The following SLC30A9 variants were observed in gnomAD, a reference collection of about 807,000 sequenced individuals.
SLC30A9 encodes solute carrier family 30 member 9.
SLC30A9 carries 58 observed loss-of-function variants against 87.5 expected under a neutral mutation model. The observed-to-expected ratio is 0.66, with a 90% CI of 0.54 to 0.82. The LOEUF (loss-of-function observed/expected upper bound fraction) is 0.82. Among genes scored for constraint, SLC30A9 ranks in the 40% least tolerant of loss-of-function variants. The probability of loss-of-function intolerance (pLI) is 0.00; values close to 1 mark genes in which losing one functional copy is unlikely to be tolerated. For missense variants in SLC30A9, 557 were observed against 679.1 expected, an observed-to-expected ratio of 0.82 and a Z score of 2.00; for synonymous variants, 234 against 233.0, an observed-to-expected ratio of 1.00 and a Z score of -0.04.
At chr4:42,017,511 T>G (rs964262592) in intron 2 of SLC30A9, among the ~76,000 whole-genome samples, 2 of 152,122 alleles carry the variant, frequency 1.3e-5, no homozygotes, top group Admixed American at 6.5e-5. Context: ...TTCTGTATTA[T>G]CTACTATAAG....
At chr4:42,025,877 T>C (rs1716171615) in intron 6 of SLC30A9, among the ~76,000 whole-genome samples, 1 of 152,066 alleles carries the variant, frequency 6.6e-6, no homozygotes, top group Non-Finnish European at 1.5e-5. Context: ...GTGGTCTCGA[T>C]CTCCTGACCT....
chr4:42,070,431 C>T (rs556408778), intron 14 of SLC30A9, 95 bp from the exon 15 acceptor site: 2 of 907,396 alleles, frequency 2.2e-6, no homozygotes, highest in Non-Finnish European at 3.3e-6. Context: ...ATTTCAAGTG[C>T]CTTGATTTAC....
intron 9 of SLC30A9, among the ~76,000 whole-genome samples, chr4:42,055,560 G>A (rs530818098): frequency 1.2e-4 from 18 of 152,148 alleles, no homozygotes; most frequent in Middle Eastern, 3.4e-3. Flanking sequence ...CTAGTTTTTT[G>A]TATTTGCAGT....
chr4:42,047,328 C>G (rs1210469659), intron 8 of SLC30A9, among the ~76,000 whole-genome samples: 1 of 152,094 alleles, frequency 6.6e-6, no homozygotes, highest in Non-Finnish European at 1.5e-5. Flanking sequence ...TGCAATCTAT[C>G]CATCTGACAA....
In SLC30A9 at chr4:42,018,519, G is replaced by A. The variant is rs540854278; in HGVS notation, c.334+349G>A. 19 of 856,910 alleles carry A rather than the reference G, an allele frequency of 2.2e-5. No homozygotes were observed. In the East Asian group the frequency reaches 3.7e-4, roughly 17 times the overall value. 53.1% of individuals were successfully genotyped at this position (856,910 alleles called of 1,614,324 possible). On this transcript the variant is annotated intron_variant, in intron 3 of 17. Transcript: ENST00000264451. ...ATTCAAATCCAGGTAGAGTTTGGCC[G>A]TTATTGTCTGACTTTATTTTCTAGG...
Position 41,990,663 on chromosome 4 carries a change from C to T in SLC30A9, c.12C>T (p.Gly4=). MLP[G]LAAAAAHRCS... ...TCTGCCCCACCAGGATGTTACCCGG[C>T]TTGGCCGCCGCCGCGGCCCACAGAT... The change falls in exon 1 of 18, where the codon GGC becomes GGT. Residue 4 remains glycine, a synonymous_variant. Coordinates refer to ENST00000264451, the MANE Select transcript of SLC30A9 (RefSeq NM_006345.4). 5.0e-6 allele frequency: 8 copies of T among 1,606,630 alleles called. No homozygotes were observed. Among genetic ancestry groups the T allele is most frequent in the Non-Finnish European group, 6.8e-6 (8 of 1,175,452 alleles).
chr4:41,996,002 G>C (rs953235782), intron 1 of SLC30A9, among the ~76,000 whole-genome samples: 1 of 151,364 alleles, frequency 6.6e-6, no homozygotes, highest in South Asian at 2.1e-4. Context: ...GAGCCACTGC[G>C]CCTGGCCCAG....
rs912159812 is a variant in SLC30A9 at position 42,058,117 on chromosome 4, A to C, written c.841-2074A>C. On this transcript the variant is annotated intron_variant, in intron 9 of 17. Coordinates refer to ENST00000264451, the MANE Select transcript of SLC30A9 (RefSeq NM_006345.4). ...CTTTGTCTCAAAAAAAAAAAAAAAA[A>C]AAAACTGAATTCCTTTAATAGCACC... Among the ~76,000 whole-genome samples, 8 of 152,056 alleles carry C rather than the reference A, an allele frequency of 5.3e-5. No homozygotes were observed. The East Asian group carries it at 1.2e-3, about 22-fold the overall frequency.
At chr4:42,045,731 C>T (rs977573207) in intron 8 of SLC30A9, among the ~76,000 whole-genome samples, 1 of 152,142 alleles carries the variant, frequency 6.6e-6, no homozygotes, top group Non-Finnish European at 1.5e-5. Flanking sequence ...ATGAGGCCAG[C>T]ATCATCCTGA....
intron 4 of SLC30A9, among the ~76,000 whole-genome samples, chr4:42,021,138 T>C (rs919107942): frequency 2.6e-5 from 4 of 152,196 alleles, no homozygotes; most frequent in Non-Finnish European, 5.9e-5. Context: ...TATCAAGAAA[T>C]AGGTATTCCT....
intron 7 of SLC30A9, among the ~76,000 whole-genome samples, chr4:42,037,938 T>C (rs1460613536): frequency 6.6e-6 from 1 of 151,554 alleles, no homozygotes; most frequent in Non-Finnish European, 1.5e-5. Context: ...AGCCGGCTGA[T>C]TTTTTTGTAT....
At chr4:42,063,190 T>G in intron 11 of SLC30A9, 69 bp downstream of exon 11, 1 of 1,408,864 alleles carries the variant, frequency 7.1e-7, no homozygotes, top group Non-Finnish European at 9.9e-7. Context: ...TAGAAGGCCT[T>G]TGTCATATTG....
At chr4:42,021,171 A>G (rs189279555) in intron 4 of SLC30A9, among the ~76,000 whole-genome samples, 3 of 152,284 alleles carry the variant, frequency 2.0e-5, no homozygotes, top group Admixed American at 6.5e-5. Flanking sequence ...TTTTATAACT[A>G]TTACATCAAC....
intron 8 of SLC30A9, among the ~76,000 whole-genome samples, chr4:42,046,573 A>G (rs1371037818): frequency 1.3e-5 from 2 of 152,208 alleles, no homozygotes; most frequent in African/African-American, 2.4e-5. Context: ...TGCTCAAGGA[A>G]ATAAGAGAGG....
intron 2 of SLC30A9, among the ~76,000 whole-genome samples, chr4:42,006,353 A>T (rs1035361591): frequency 2.0e-5 from 3 of 152,164 alleles, no homozygotes; most frequent in African/African-American, 7.2e-5. Flanking sequence ...GTTAGGAAAG[A>T]TTTCCATAAG....
intron 9 of SLC30A9, among the ~76,000 whole-genome samples, chr4:42,054,201 C>G (rs1445609387): frequency 3.0e-4 from 46 of 151,960 alleles, no homozygotes; most frequent in Non-Finnish European, 5.9e-5. Context: ...ACTAAAAATA[C>G]AAAAACATTA....
intron 1 of SLC30A9, among the ~76,000 whole-genome samples, chr4:41,995,121 A>G (rs916242179): frequency 6.6e-6 from 1 of 152,046 alleles, no homozygotes; most frequent in Non-Finnish European, 1.5e-5. Flanking sequence ...TTAGCTGGGC[A>G]TGGTGGCAGG....
Position 42,009,732 on chromosome 4 carries a change from G to T in SLC30A9, c.274+7952G>T, listed in dbSNP as rs549163408. Among the ~76,000 whole-genome samples, 20 of 152,324 alleles carry T rather than the reference G, an allele frequency of 1.3e-4. No homozygotes were observed. In the East Asian group the frequency reaches 3.9e-3, roughly 29 times the overall value. On this transcript the variant is annotated intron_variant, in intron 2 of 17. Coordinates refer to ENST00000264451, the MANE Select transcript of SLC30A9 (RefSeq NM_006345.4). ...TTTAGTAACATCTAGACAGTTTGTA[G>T]TGAGAAGAATATCCAGAAATATACA...
At chr4:42,040,205 C>T (rs137869725) in intron 8 of SLC30A9, among the ~76,000 whole-genome samples, 1 of 152,180 alleles carries the variant, frequency 6.6e-6, no homozygotes, top group Admixed American at 6.5e-5. Flanking sequence ...CATTTTTGAG[C>T]TGGTGGTATG....
Sources: allele counts gnomAD v4.1 joint callset (sites outside exome capture counted in the v4.1 genomes callset), GRCh38; gene constraint gnomAD v4.1.1; transcripts MANE v1.5; gene names NCBI Gene and HGNC (gene_info 2026-07-23, HGNC 2026-07-21).